SLC44A5: variants seen among roughly 807,000 people sequenced by gnomAD.
The protein encoded by SLC44A5 is choline transporter-like protein 5.
SLC44A5 carries 57 observed loss-of-function variants against 101.8 expected under a neutral mutation model. That is an observed-to-expected ratio of 0.56 (90% confidence interval 0.45 to 0.70). SLC44A5 has a LOEUF of 0.70. Among genes scored for constraint, SLC44A5 ranks in the 30% least tolerant of loss-of-function variants. The pLI is 0.00. For synonymous variants in SLC44A5, 281 were observed against 290.9 expected (o/e 0.97, Z 0.35); for missense variants, 737 against 853.1 (o/e 0.86, Z 1.70).
At chr1:75,343,579 C>T (rs982194871) in intron 3 of SLC44A5, among the ~76,000 whole-genome samples, 5 of 152,054 alleles carry the variant, frequency 3.3e-5, no homozygotes, top group African/African-American at 7.2e-5. Context: ...GAATATTCTC[C>T]TTCTGAGAAC....
the SLC44A5 span, among the ~76,000 whole-genome samples, chr1:75,723,329 C>G: frequency 1.3e-5 from 2 of 152,116 alleles, no homozygotes; most frequent in East Asian, 1.9e-4. Context: ...TTCCCAACAT[C>G]AGTAAGGCTT....
At chr1:75,516,530 A>T (rs1265304487) in intron 2 of SLC44A5, among the ~76,000 whole-genome samples, 1 of 152,162 alleles carries the variant, frequency 6.6e-6, no homozygotes, top group African/African-American at 2.4e-5. Flanking sequence ...AAAAAAAATT[A>T]AAAATAAAAA....
At chr1:75,303,396 C>A (rs926070055) in intron 4 of SLC44A5, among the ~76,000 whole-genome samples, 1 of 152,100 alleles carries the variant, frequency 6.6e-6, no homozygotes, top group African/African-American at 2.4e-5. Context: ...CCACCATGCC[C>A]GGCTAATTTT....
At chr1:75,293,982 G>A (rs1192469279) in intron 5 of SLC44A5, among the ~76,000 whole-genome samples, 1 of 151,986 alleles carries the variant, frequency 6.6e-6, no homozygotes, top group Non-Finnish European at 1.5e-5. Context: ...AAATGCAAAA[G>A]GACATTTAAT....
chr1:75,680,599 C>T, the SLC44A5 span, among the ~76,000 whole-genome samples: 4 of 151,024 alleles, frequency 2.6e-5, no homozygotes, highest in African/African-American at 7.3e-5. Flanking sequence ...ATCTCTGGGA[C>T]GCATTCAAAG....
the SLC44A5 span, among the ~76,000 whole-genome samples, chr1:75,627,430 CA>C: frequency 3.9e-5 from 6 of 152,198 alleles, no homozygotes; most frequent in East Asian, 1.2e-3. Context: ...GTAATTCTAG[CA>C]CTTTAGGAGG....
At chr1:75,265,310 C>G (rs1354559329) in intron 6 of SLC44A5, among the ~76,000 whole-genome samples, 1 of 151,866 alleles carries the variant, frequency 6.6e-6, no homozygotes, top group South Asian at 2.1e-4. Flanking sequence ...AACAAACAAA[C>G]AAAAAAACAC....
intron 6 of SLC44A5, among the ~76,000 whole-genome samples, chr1:75,265,650 G>C (rs1036367888): frequency 6.6e-6 from 1 of 152,102 alleles, no homozygotes; most frequent in African/African-American, 2.4e-5. Context: ...CACATTTTAT[G>C]CATGTAACAA....
intron 1 of SLC44A5, among the ~76,000 whole-genome samples, chr1:75,596,157 TGA>T (rs1296991877): frequency 6.6e-6 from 1 of 151,970 alleles, no homozygotes; most frequent in Non-Finnish European, 1.5e-5. Flanking sequence ...CAGATGATAC[TGA>T]GTTTCTTCAA....
At chr1:75,646,728 TGAA>T in the SLC44A5 span, among the ~76,000 whole-genome samples, 65 of 152,292 alleles carry the variant, frequency 4.3e-4, no homozygotes, top group Non-Finnish European at 8.5e-4. Flanking sequence ...TGCCACCATG[TGAA>T]GAAGAAGTAA....
At chr1:75,634,204 C>T in the SLC44A5 span, among the ~76,000 whole-genome samples, 7 of 152,004 alleles carry the variant, frequency 4.6e-5, no homozygotes, top group Admixed American at 1.3e-4. Context: ...TGTCTCTGCC[C>T]GGCTTTGGTA....
the SLC44A5 span, among the ~76,000 whole-genome samples, chr1:75,682,486 G>T: frequency 3.3e-5 from 5 of 151,672 alleles, no homozygotes; most frequent in Admixed American, 6.6e-5. Flanking sequence ...ACAAACCTGA[G>T]AAAAACAAGC....
chr1:75,284,258 C>A (rs1223141604), intron 5 of SLC44A5, among the ~76,000 whole-genome samples: 4 of 151,898 alleles, frequency 2.6e-5, no homozygotes, highest in Non-Finnish European at 5.9e-5. Flanking sequence ...TTTTGTTTTG[C>A]AGTTATTATA....
At chr1:75,603,390 G>T (rs1675108837) in intron 1 of SLC44A5, among the ~76,000 whole-genome samples, 1 of 151,440 alleles carries the variant, frequency 6.6e-6, no homozygotes. Context: ...CTGTTGATGG[G>T]CACCTAGGTT....
chr1:75,255,114 A>G (rs1570481864), intron 6 of SLC44A5, among the ~76,000 whole-genome samples: 1 of 152,244 alleles, frequency 6.6e-6, no homozygotes, highest in Middle Eastern at 3.4e-3. Context: ...CTGTCACCCC[A>G]CATGGTGCAG....
chr1:75,338,060 T>C (rs1367625163), intron 4 of SLC44A5, among the ~76,000 whole-genome samples: 1 of 152,160 alleles, frequency 6.6e-6, no homozygotes, highest in Non-Finnish European at 1.5e-5. Flanking sequence ...AAGTTACAAA[T>C]AGGCCAACTA....
intron 2 of SLC44A5, among the ~76,000 whole-genome samples, chr1:75,472,248 A>G (rs1557820648): frequency 6.6e-6 from 1 of 152,242 alleles, no homozygotes; most frequent in East Asian, 1.9e-4. Context: ...AAGTGTGCCG[A>G]GCACCTGTCA....
chr1:75,601,518 A>C (rs1331161547), intron 1 of SLC44A5, among the ~76,000 whole-genome samples: 1 of 152,142 alleles, frequency 6.6e-6, no homozygotes, highest in East Asian at 1.9e-4. Context: ...TGTACCCCAC[A>C]ACTTAAAGTA....
At chr1:75,613,556 A>C (rs987933700), upstream of SLC44A5, among the ~76,000 whole-genome samples, 3 of 152,234 alleles carry the variant, frequency 2.0e-5, no homozygotes, top group African/African-American at 7.2e-5. Context: ...ATACTAAATG[A>C]ACTTGTTTTA....
Sources: gnomAD v4.1 joint callset for allele counts (sites outside exome capture counted in the v4.1 genomes callset) on GRCh38, gnomAD v4.1.1 for gene constraint, MANE v1.5 for transcripts, NCBI Gene and HGNC (gene_info 2026-07-23, HGNC 2026-07-21) for gene names.